The following SH3TC2 variants were observed in gnomAD, a reference collection of about 807,000 sequenced individuals.
SH3TC2 encodes the protein SH3 domain and tetratricopeptide repeats 2.
In SH3TC2, 87 loss-of-function variants were observed where a neutral mutation model predicts 124.5. The ratio of observed to expected loss-of-function variants is 0.70; its 90% CI spans 0.59 to 0.84. SH3TC2 has a LOEUF of 0.84. Among genes scored for constraint, SH3TC2 ranks in the 40% least tolerant of loss-of-function variants. The pLI is 0.00. For synonymous variants in SH3TC2, 634 were observed against 628.5 expected, an observed-to-expected ratio of 1.01 and a Z score of -0.13; for missense variants, 1,536 against 1,566.4, an observed-to-expected ratio of 0.98 and a Z score of 0.33.
rs1753643888 is a variant in SH3TC2 at position 149,004,230 on chromosome 5, T to C, written c.*481A>G. 5.4e-6 allele frequency: 1 copy of C among 185,268 alleles called. No homozygotes were observed. The highest frequency in any genetic ancestry group is 1.1e-5 in the Non-Finnish European group (1 of 87,374). 11.5% of individuals were successfully genotyped at this position (185,268 alleles called of 1,614,324 possible). ...TGTGAGCATGAGGAGTGATACATACTTTGGTTCTGAAGAAAGAAATGGAAA... is the reference window on the plus strand; with the variant it reads ...TGTGAGCATGAGGAGTGATACATACCTTGGTTCTGAAGAAAGAAATGGAAA... On this transcript the variant is annotated 3_prime_UTR_variant, in exon 17 of 17. Transcript: ENST00000515425.
At chr5:149,011,908 G>C (rs1028860954) in intron 13 of SH3TC2, among the ~76,000 whole-genome samples, 3 of 152,082 alleles carry the variant, frequency 2.0e-5, no homozygotes, top group African/African-American at 7.2e-5. Flanking sequence ...ACTAAGTTCT[G>C]AGCACTTAAT....
rs1018945514 is a variant in SH3TC2 at position 148,994,957 on chromosome 5, G to T, written c.*9754C>A. Among the ~76,000 whole-genome samples, 33 of 152,268 alleles carry T rather than the reference G, an allele frequency of 2.2e-4. No individual in the cohort carries two copies. The highest frequency in any genetic ancestry group is 7.7e-4 in the African/African-American group (32 of 41,554). On this transcript the variant is annotated 3_prime_UTR_variant, in exon 17 of 17. Coordinates refer to ENST00000515425, the MANE Select transcript of SH3TC2 (RefSeq NM_024577.4). ...CCCAAGGAAAGAGACTTGGGATTAT[G>T]AAACAATACTCTGGACCACTCAGGC...
In SH3TC2 at chr5:149,062,974, G is replaced by T. The variant is rs1224499969; in HGVS notation, c.49C>A (p.Pro17Thr). 1.3e-6 allele frequency: 2 copies of T among 1,593,124 alleles called. No homozygotes were observed. The highest frequency in any genetic ancestry group is 2.3e-5 in the East Asian group (1 of 44,040). ...IPRERSLTRG[P>T]GKETPSKDPT... is the part of the protein sequence containing the mutation. The stretch of plus-strand genomic sequence containing the variant: ...AAGGGCCCCCTGGGAAACTCACCTG[G>T]GCCCCGGGTCAGACTCCGCTCCCTG... The change falls in exon 1 of 17, where the codon CCA becomes ACA. Residue 17 changes from proline (P) to threonine (T), a missense_variant. Pro to Thr is a conservative substitution (Grantham distance 38). Around this residue, in one of 3 missense-constraint regions of SH3TC2, gnomAD observed 1,102 missense variants for 1,098.6 expected, o/e 1.00. Transcript: ENST00000515425.
rs747245006 is a variant in SH3TC2 at position 149,002,246 on chromosome 5, G to C, written c.*2465C>G. The C allele has an allele frequency of 6.6e-6, 1 of 152,652 alleles. No homozygotes were observed. The highest frequency in any genetic ancestry group is 1.5e-5 in the Non-Finnish European group (1 of 68,084). 9.5% of individuals were successfully genotyped at this position (152,652 alleles called of 1,614,324 possible). A position where few individuals can be genotyped will look rare whatever the true frequency, so the allele number is the denominator to read the frequency against. ...CTGTGTGAGCCTTCTTCAAATACAC[G>C]ATATGTAACTGTTCTGGAATGTGTG... On this transcript the variant is annotated 3_prime_UTR_variant, in exon 17 of 17. Coordinates refer to ENST00000515425, the MANE Select transcript of SH3TC2 (RefSeq NM_024577.4).
In SH3TC2 at chr5:148,983,519, G is replaced by T. The variant is rs1038536824; in HGVS notation, c.*21192C>A. The stretch of plus-strand genomic sequence containing the variant: ...TGGAGGTCCCAAGAAACCAAATGCA[G>T]CTCCCTTTTTTACAGTTCTGCATAT... On this transcript the variant is annotated 3_prime_UTR_variant, in exon 17 of 17. Coordinates refer to ENST00000515425, the MANE Select transcript of SH3TC2 (RefSeq NM_024577.4). 5.3e-5 allele frequency among the ~76,000 whole-genome samples: 8 copies of T among 152,190 alleles called. No individual in the cohort carries two copies. The highest frequency in any genetic ancestry group is 2.1e-4 in the South Asian group (1 of 4,826).
Position 148,991,449 on chromosome 5 carries a change from A to C in SH3TC2, c.*13262T>G, listed in dbSNP as rs1009877717. Among the ~76,000 whole-genome samples, 5 of 152,194 alleles carry C rather than the reference A, an allele frequency of 3.3e-5. No homozygotes were observed. The highest frequency in any genetic ancestry group is 1.2e-4 in the African/African-American group (5 of 41,450). ...AAGCTAACTTTAGCCATATGGGCTC[A>C]TCCTGTATTTCCCAGGACCCAGGAG... On this transcript the variant is annotated 3_prime_UTR_variant, in exon 17 of 17. Coordinates refer to ENST00000515425, the MANE Select transcript of SH3TC2 (RefSeq NM_024577.4).
rs758307860 is a variant in SH3TC2, at chr5:149,007,135, C to T, written c.3479-58G>A. 10 of 1,549,950 alleles carry T rather than the reference C, an allele frequency of 6.5e-6. No individual in the cohort carries two copies. In the South Asian group the frequency reaches 1.0e-4, roughly 16 times the overall value. ...CAACCAACACTTTGCATCATTTGTT[C>T]ACTCATTCATTCCATAAAACTTTTT... is the stretch of plus-strand genomic sequence containing the variant. On this transcript the variant is annotated intron_variant, in intron 15 of 16. Coordinates refer to ENST00000515425, the MANE Select transcript of SH3TC2 (RefSeq NM_024577.4).
chr5:149,026,431 T>C (rs1214695551), intron 12 of SH3TC2, 141 bp downstream of exon 12: 9 of 935,548 alleles, frequency 9.6e-6, no homozygotes, highest in African/African-American at 4.9e-5. Flanking sequence ...GGATGCATTG[T>C]GGTGGCTGCA....
At position 149,050,241 on chromosome 5, in the gene SH3TC2, G is replaced by C. The variant is rs143224476; in HGVS notation, c.151+1901C>G. ...TCCTACAGTACCCTCTGCATCACTA[G>C]AGCAGGGAAGAAGTCAAGCTCAATA... is the stretch of plus-strand genomic sequence containing the variant. On this transcript the variant is annotated intron_variant, in intron 2 of 16. Coordinates refer to ENST00000515425, the MANE Select transcript of SH3TC2 (RefSeq NM_024577.4). Among the ~76,000 whole-genome samples the C allele has an allele frequency of 3.8e-3, 586 of 152,320 alleles. 3 individuals carry two copies. Among genetic ancestry groups the C allele is most frequent in the Non-Finnish European group, 5.8e-3 (396 of 68,020 alleles).
rs374695306 is a variant in SH3TC2 at position 148,983,649 on chromosome 5, G to A, written c.*21062C>T. The stretch of plus-strand genomic sequence containing the variant: ...TTTGGGGTTTCCTTCCCCCTACCCC[G>A]CACCCCATTAGCCCCTGTCTGTGTT... On this transcript the variant is annotated 3_prime_UTR_variant, in exon 17 of 17. Coordinates refer to ENST00000515425, the MANE Select transcript of SH3TC2 (RefSeq NM_024577.4). 4.4e-4 allele frequency among the ~76,000 whole-genome samples: 66 copies of A among 150,748 alleles called. No individual in the cohort carries two copies. Among genetic ancestry groups the A allele is most frequent in the African/African-American group, 1.3e-3 (55 of 41,178 alleles).
chr5:149,048,018 G>A (rs1754496263), intron 2 of SH3TC2, 29 bp from the exon 3 acceptor site: 2 of 1,613,212 alleles, frequency 1.2e-6, no homozygotes, highest in Non-Finnish European at 1.7e-6. Flanking sequence ...AGAAGGATCA[G>A]GCTGAAAATA....
rs536567176 is a variant in SH3TC2, at chr5:149,016,665, C to T, written c.3054-3931G>A. ...CAGACGGCTGGCGCGGTGGCTCATGCCTGTAATCCCAGCACTTTGGAAGGC... is the reference window on the plus strand; with the variant it reads ...CAGACGGCTGGCGCGGTGGCTCATGTCTGTAATCCCAGCACTTTGGAAGGC... On this transcript the variant is annotated intron_variant, in intron 12 of 16. Coordinates refer to ENST00000515425, the MANE Select transcript of SH3TC2 (RefSeq NM_024577.4). Among the ~76,000 whole-genome samples the T allele has an allele frequency of 4.6e-5, 7 of 152,192 alleles. No homozygotes were observed. In the East Asian group the frequency reaches 1.4e-3, roughly 29 times the overall value.
rs971536548 is a variant in SH3TC2, at chr5:148,993,459, T to G, written c.*11252A>C. ...TGTTTAACTGCTCTGTATTGAACAT[T>G]TATCTTGGAGTAAAAATGATTGAGT... On this transcript the variant is annotated 3_prime_UTR_variant, in exon 17 of 17. Coordinates refer to ENST00000515425, the MANE Select transcript of SH3TC2 (RefSeq NM_024577.4). Among the ~76,000 whole-genome samples, 2 of 152,226 alleles carry G rather than the reference T, an allele frequency of 1.3e-5. No homozygotes were observed. Among genetic ancestry groups the G allele is most frequent in the African/African-American group, 4.8e-5 (2 of 41,464 alleles).
chr5:149,062,912 C>T, intron 1 of SH3TC2, 59 bp downstream of exon 1: 1 of 1,500,208 alleles, frequency 6.7e-7, no homozygotes, highest in Admixed American at 1.9e-5. Flanking sequence ...GTCCCTGAGC[C>T]TCTACTGGAC....
intron 8 of SH3TC2, 113 bp downstream of exon 8, chr5:149,038,182 G>A (rs1220295948): frequency 7.5e-6 from 7 of 933,346 alleles, no homozygotes; most frequent in Admixed American, 6.0e-5. Context: ...GTGCTTTTCT[G>A]GCTCCATGTC....
At chr5:149,009,106 G>A in intron 14 of SH3TC2, 105 bp from the exon 15 acceptor site, 2 of 1,386,232 alleles carry the variant, frequency 1.4e-6, no homozygotes, top group East Asian at 2.3e-5. Context: ...AACGGCAGTG[G>A]ACTAAAACAA....
chr5:149,009,749 C>G (rs1180627124), intron 14 of SH3TC2, among the ~76,000 whole-genome samples: 1 of 152,140 alleles, frequency 6.6e-6, no homozygotes, highest in Non-Finnish European at 1.5e-5. Flanking sequence ...TTCTTAACAT[C>G]AACTCTTTTT....
Position 149,041,589 on chromosome 5 carries a change from G to C in SH3TC2, c.558C>G (p.Ser186=), listed in dbSNP as rs141289653. 1 of 1,614,168 alleles carries C rather than the reference G, an allele frequency of 6.2e-7. No homozygotes were observed. The highest frequency in any genetic ancestry group is 1.1e-5 in the South Asian group (1 of 91,064). The change falls in exon 6 of 17, where the codon TCC becomes TCG. Residue 186 remains serine, a synonymous_variant. Transcript: ENST00000515425. ...CTTCCTTCTCGGCTGGTGGAGTCACGGAGCACAGGGCTCTGCAGAAGAAGT... is the reference window on the plus strand; with the variant it reads ...CTTCCTTCTCGGCTGGTGGAGTCACCGAGCACAGGGCTCTGCAGAAGAAGT... ...EGHFFCRALC[S]VTPPAEKEGE...
chr5:148,998,149 AATGT>A lies in SH3TC2; in HGVS notation c.*6558_*6561del, dbSNP rs1561753402. On this transcript the variant is annotated 3_prime_UTR_variant, in exon 17 of 17. Coordinates refer to ENST00000515425, the MANE Select transcript of SH3TC2 (RefSeq NM_024577.4). ...TTTAAAAATGAATAGAACAAAACAGAATGTATGAGTGCATTTCTCTATGTTGTTG... is the reference window on the plus strand; with the variant it reads ...TTTAAAAATGAATAGAACAAAACAGAATGAGTGCATTTCTCTATGTTGTTG... 6.6e-6 allele frequency among the ~76,000 whole-genome samples: 1 copy of A among 150,814 alleles called. No homozygotes were observed. Among genetic ancestry groups the A allele is most frequent in the Non-Finnish European group, 1.5e-5 (1 of 68,024 alleles).
Sources: gnomAD v4.1 joint callset for allele counts (sites outside exome capture counted in the v4.1 genomes callset) on GRCh38, gnomAD v4.1.1 for gene constraint, gnomAD v4.1.1 regional missense constraint, MANE v1.5 for transcripts, NCBI Gene and HGNC (gene_info 2026-07-23, HGNC 2026-07-21) for gene names.